Variants in NPAS3 observed in about 807,000 individuals in gnomAD.
The protein encoded by NPAS3 is neuronal PAS domain-containing protein 3.
A neutral mutation model predicts 73.1 loss-of-function variants in NPAS3; 14 were observed. That is an observed-to-expected ratio of 0.19 (90% CI 0.13 to 0.30). The LOEUF (loss-of-function observed/expected upper bound fraction) is 0.30. Ranked by LOEUF, NPAS3 falls within the 10% of genes least tolerant of loss-of-function variation. The pLI, the probability that NPAS3 is intolerant of heterozygous loss-of-function variation, is 1.00. For synonymous variants in NPAS3, 620 were observed against 541.5 expected, an observed-to-expected ratio of 1.14 and a Z score of -2.01; for missense variants, 1,096 against 1,250.0, an observed-to-expected ratio of 0.88 and a Z score of 1.86.
chr14:33,173,882 CATG>C (rs924209292), intron 2 of NPAS3, among the ~76,000 whole-genome samples: 10 of 152,222 alleles, frequency 6.6e-5, no homozygotes, highest in Non-Finnish European at 1.3e-4. Flanking sequence ...TGTATTAAAA[CATG>C]ATGATTGTCA....
intron 3 of NPAS3, among the ~76,000 whole-genome samples, chr14:33,221,043 G>T (rs1279681651): frequency 1.3e-5 from 2 of 152,240 alleles, no homozygotes; most frequent in Non-Finnish European, 2.9e-5. Context: ...GAATTGGCAA[G>T]TCTAGACTGG....
chr14:33,237,664 G>A (rs1178779921), intron 3 of NPAS3, among the ~76,000 whole-genome samples: 5 of 151,918 alleles, frequency 3.3e-5, no homozygotes, highest in African/African-American at 1.2e-4. Flanking sequence ...AAAATGGAGG[G>A]TAGTATATAA....
intron 4 of NPAS3, among the ~76,000 whole-genome samples, chr14:33,455,245 C>G (rs2049973262): frequency 6.6e-6 from 1 of 152,194 alleles, no homozygotes; most frequent in Non-Finnish European, 1.5e-5. Context: ...TTTTGACCTT[C>G]TCTCATCAGT....
intron 3 of NPAS3, among the ~76,000 whole-genome samples, chr14:33,265,568 A>G (rs2049140642): frequency 1.3e-5 from 2 of 152,118 alleles, no homozygotes; most frequent in African/African-American, 2.4e-5. Context: ...GCTCTGTCTT[A>G]TGGGCTGTAC....
chr14:33,689,336 C>G lies in NPAS3; in HGVS notation c.733+12951C>G, dbSNP rs118024698. On this transcript the variant is annotated intron_variant, in intron 6 of 11. Coordinates refer to ENST00000356141, the Ensembl canonical transcript of NPAS3. The stretch of plus-strand genomic sequence containing the variant: ...TTATAAGAGTATAATGAGTTTAATA[C>G]ATACAAAATGCTTAAAACAGTAGTA... 4.0e-4 allele frequency among the ~76,000 whole-genome samples: 61 copies of G among 152,218 alleles called. No homozygotes were observed. The East Asian group carries it at 0.011, about 27-fold the overall frequency.
chr14:33,349,825 G>A (rs1313221603), intron 3 of NPAS3, among the ~76,000 whole-genome samples: 2 of 152,228 alleles, frequency 1.3e-5, no homozygotes, highest in Non-Finnish European at 2.9e-5. Flanking sequence ...GAGGATGCTA[G>A]TGGCATAACT....
At chr14:33,117,099 T>C (rs2043090615) in intron 2 of NPAS3, among the ~76,000 whole-genome samples, 3 of 152,092 alleles carry the variant, frequency 2.0e-5, no homozygotes, top group Admixed American at 1.3e-4. Flanking sequence ...TGTTCGTATT[T>C]ATGGGGGTAC....
chr14:33,696,884 G>A (rs140464688), intron 6 of NPAS3, among the ~76,000 whole-genome samples: 1 of 152,274 alleles, frequency 6.6e-6, no homozygotes, highest in East Asian at 1.9e-4. Context: ...AACATGCGCT[G>A]CAAAAGCATT....
intron 2 of NPAS3, among the ~76,000 whole-genome samples, chr14:33,155,001 C>T (rs959472550): frequency 6.6e-6 from 1 of 152,104 alleles, no homozygotes; most frequent in African/African-American, 2.4e-5. Flanking sequence ...GTTTTCACAT[C>T]ACAAGTATTA....
intron 6 of NPAS3, among the ~76,000 whole-genome samples, chr14:33,726,630 T>A (rs1001906720): frequency 1.3e-5 from 2 of 152,138 alleles, no homozygotes; most frequent in Non-Finnish European, 2.9e-5. Context: ...TTTATAGCAT[T>A]CATCACCACC....
At chr14:33,542,913 G>C (rs1274554027) in intron 4 of NPAS3, among the ~76,000 whole-genome samples, 1 of 152,122 alleles carries the variant, frequency 6.6e-6, no homozygotes, top group Non-Finnish European at 1.5e-5. Flanking sequence ...TCAGTGCGTG[G>C]GTGTTATTTG....
intron 2 of NPAS3, among the ~76,000 whole-genome samples, chr14:33,197,521 T>C (rs4981180): frequency 0.95 from 144,205 of 151,740 alleles, 68,685 homozygotes; most frequent in Non-Finnish European, 0.98. Context: ...GAGCATATTG[T>C]CAGAAAAAAA....
chr14:33,234,556 A>T (rs1218610221), intron 3 of NPAS3, among the ~76,000 whole-genome samples: 1 of 152,138 alleles, frequency 6.6e-6, no homozygotes, highest in Non-Finnish European at 1.5e-5. Context: ...AAGTCTGGCC[A>T]GTTCAGTTAT....
At chr14:33,303,430 C>T (rs1372265887) in intron 3 of NPAS3, among the ~76,000 whole-genome samples, 2 of 142,498 alleles carry the variant, frequency 1.4e-5, no homozygotes, top group Non-Finnish European at 3.1e-5. Flanking sequence ...CTCTTATTCA[C>T]ACTAAAAAAA....
At chr14:33,680,972 G>A in intron 6 of NPAS3, 1 of 245,180 alleles carries the variant, frequency 4.1e-6, no homozygotes. Context: ...TGTCCCGAAT[G>A]TTTTTAAGGC....
intron 1 of NPAS3, among the ~76,000 whole-genome samples, chr14:33,002,949 G>A (rs190298318): frequency 6.6e-6 from 1 of 152,128 alleles, no homozygotes. Flanking sequence ...GTATATTATT[G>A]TGTGAGTTAG....
intron 2 of NPAS3, among the ~76,000 whole-genome samples, chr14:33,088,842 T>C (rs1243819185): frequency 2.0e-5 from 3 of 152,270 alleles, no homozygotes; most frequent in Middle Eastern, 3.4e-3. Flanking sequence ...AGAGGAACCA[T>C]CAGGCAGCAA....
intron 3 of NPAS3, among the ~76,000 whole-genome samples, chr14:33,306,518 T>G (rs2042760968): frequency 6.6e-6 from 1 of 152,218 alleles, no homozygotes; most frequent in Non-Finnish European, 1.5e-5. Flanking sequence ...TAATTGCATT[T>G]AAATTAAAAT....
intron 5 of NPAS3, among the ~76,000 whole-genome samples, chr14:33,664,754 A>C (rs1374647570): frequency 2.0e-5 from 3 of 152,264 alleles, no homozygotes; most frequent in Non-Finnish European, 2.9e-5. Context: ...AAACATATGA[A>C]AAAAGGCTCA....
Sources: allele counts gnomAD v4.1 joint callset (sites outside exome capture counted in the v4.1 genomes callset), GRCh38; gene constraint gnomAD v4.1.1; transcripts MANE v1.5; gene names NCBI Gene and HGNC (gene_info 2026-07-23, HGNC 2026-07-21).